The following MBNL2 variants were observed in gnomAD, a reference collection of about 807,000 sequenced individuals.
MBNL2 encodes muscleblind like splicing regulator 2, also known as muscleblind-like protein 2.
Under a neutral mutation model 41.9 loss-of-function variants are expected in MBNL2, and 17 were observed. The observed-to-expected ratio is 0.41, with a 90% CI of 0.28 to 0.61. MBNL2 has a LOEUF of 0.61. MBNL2 is among the 20% of genes least tolerant of loss of function. The pLI is 0.35. For synonymous variants in MBNL2, 195 were observed against 182.9 expected (o/e 1.07, Z -0.53); for missense variants, 336 against 505.6 (o/e 0.66, Z 3.22).
chr13:97,235,909 A>G (rs2043194859), intron 1 of MBNL2, among the ~76,000 whole-genome samples: 1 of 152,170 alleles, frequency 6.6e-6, no homozygotes, highest in Admixed American at 6.5e-5. Flanking sequence ...CATATGTTCA[A>G]TACACTGTCA....
At chr13:97,289,060 T>G (rs1372307129) in intron 2 of MBNL2, among the ~76,000 whole-genome samples, 2 of 152,316 alleles carry the variant, frequency 1.3e-5, no homozygotes, top group East Asian at 3.9e-4. Context: ...ATGGCTAGAT[T>G]CAACTTCAGG....
chr13:97,357,616 C>A lies in MBNL2; in HGVS notation c.993C>A (p.His331Gln). 1.2e-6 allele frequency: 2 copies of A among 1,613,968 alleles called. No homozygotes were observed. The highest frequency in any genetic ancestry group is 1.7e-6 in the Non-Finnish European group (2 of 1,179,938). Residue 331 changes from histidine (H) to glutamine (Q), a missense_variant, in exon 7 of 9, where the codon CAC (histidine) becomes CAA (glutamine). Coordinates refer to ENST00000679496, the MANE Select transcript of MBNL2 (RefSeq NM_001382683.1). Reference sequence around the variant, plus strand: ...TCACCAGCGCACAGTTGCAGCAACACGCCGCGTTCATTCCAACAGGTATGT... The same window carrying A: ...TCACCAGCGCACAGTTGCAGCAACAAGCCGCGTTCATTCCAACAGGTATGT... ...QALTSAQLQQ[H>Q]AAFIPTGSVL... is the part of the protein sequence containing the mutation.
the MBNL2 span, among the ~76,000 whole-genome samples, chr13:97,191,154 G>A: frequency 6.6e-6 from 1 of 151,802 alleles, no homozygotes. Context: ...ATTTCCATGA[G>A]AGTTGTGTTC....
At chr13:97,339,366 G>A (rs139104147) in intron 3 of MBNL2, among the ~76,000 whole-genome samples, 149 of 152,116 alleles carry the variant, frequency 9.8e-4, no homozygotes, top group Middle Eastern at 3.4e-3. Context: ...AGAGGAACAC[G>A]GGAAGGTGGA....
the MBNL2 span, among the ~76,000 whole-genome samples, chr13:97,161,271 CT>C: frequency 6.6e-6 from 1 of 152,202 alleles, no homozygotes; most frequent in African/African-American, 2.4e-5. Context: ...TCAGCACCTG[CT>C]TTTGCCCACC....
At chr13:97,204,699 G>A in the MBNL2 span, among the ~76,000 whole-genome samples, 2 of 152,210 alleles carry the variant, frequency 1.3e-5, no homozygotes, top group African/African-American at 2.4e-5. Context: ...GAGGAGCAGG[G>A]AGTGGGTTGC....
the MBNL2 span, among the ~76,000 whole-genome samples, chr13:97,184,346 A>G: frequency 6.6e-6 from 1 of 152,198 alleles, no homozygotes; most frequent in East Asian, 1.9e-4. Flanking sequence ...GAAGAGGACA[A>G]TAACAAAAAA....
intron 7 of MBNL2, among the ~76,000 whole-genome samples, chr13:97,361,102 G>C (rs1459192644): frequency 1.3e-5 from 2 of 152,186 alleles, no homozygotes; most frequent in Non-Finnish European, 2.9e-5. Flanking sequence ...TCATAAAGAG[G>C]TGAAAACCAA....
At chr13:97,149,067 A>T in the MBNL2 span, among the ~76,000 whole-genome samples, 1 of 152,190 alleles carries the variant, frequency 6.6e-6, no homozygotes, top group Non-Finnish European at 1.5e-5. Flanking sequence ...TGAAGCCAAG[A>T]TCCACTGTGG....
At chr13:97,339,871 G>GTGTT (rs142257683) in intron 3 of MBNL2, among the ~76,000 whole-genome samples, 1 of 111,010 alleles carries the variant, frequency 9.0e-6, no homozygotes, top group African/African-American at 3.3e-5. Flanking sequence ...ATTTGTGTGT[G>GTGTT]GGCGGGGGGG....
intron 2 of MBNL2, among the ~76,000 whole-genome samples, chr13:97,307,327 T>C (rs1488100428): frequency 6.6e-6 from 1 of 152,052 alleles, no homozygotes; most frequent in Non-Finnish European, 1.5e-5. Flanking sequence ...TTCCACTGTG[T>C]GTGCCAAAGC....
intron 1 of MBNL2, among the ~76,000 whole-genome samples, chr13:97,241,451 T>C (rs1049431033): frequency 1.3e-5 from 2 of 152,152 alleles, no homozygotes; most frequent in Non-Finnish European, 2.9e-5. Context: ...GAAATCTAAG[T>C]CTCCGTTTCA....
At chr13:97,182,705 A>C in the MBNL2 span, among the ~76,000 whole-genome samples, 1 of 152,344 alleles carries the variant, frequency 6.6e-6, no homozygotes, top group South Asian at 2.1e-4. Flanking sequence ...GATAGAAACG[A>C]AGATATGGTG....
the MBNL2 span, among the ~76,000 whole-genome samples, chr13:97,160,486 A>G: frequency 6.6e-6 from 1 of 152,092 alleles, no homozygotes; most frequent in East Asian, 1.9e-4. Flanking sequence ...TTTGTACTTA[A>G]CTCTTTGAAA....
At position 97,271,445 on chromosome 13, in the gene MBNL2, TA is replaced by T. The variant is rs753747504; in HGVS notation, c.-604-4178del. Among the ~76,000 whole-genome samples the T allele has an allele frequency of 2.4e-3, 364 of 149,296 alleles. 1 individual carries two copies. The highest frequency in any genetic ancestry group is 7.5e-3 in the African/African-American group (301 of 39,948). On this transcript the variant is annotated intron_variant, in intron 1 of 8. Transcript: ENST00000679496. ...TAAGATTTATTTATTTATTTATTTCTAAAAAAAAACAAACAAAAAACAAAAC... is the reference window on the plus strand; with the variant it reads ...TAAGATTTATTTATTTATTTATTTCTAAAAAAAACAAACAAAAAACAAAAC...
the MBNL2 span, among the ~76,000 whole-genome samples, chr13:97,194,092 G>A: frequency 6.6e-6 from 1 of 152,270 alleles, no homozygotes; most frequent in South Asian, 2.1e-4. Flanking sequence ...TCTTAAAGAG[G>A]TCTTCTCTGA....
chr13:97,240,221 G>T (rs573765719), intron 1 of MBNL2, among the ~76,000 whole-genome samples: 2 of 152,334 alleles, frequency 1.3e-5, no homozygotes, highest in East Asian at 3.9e-4. Flanking sequence ...ATTATTCACA[G>T]ACCTCCTGGC....
intron 2 of MBNL2, among the ~76,000 whole-genome samples, chr13:97,303,224 G>A (rs1221073940): frequency 6.6e-6 from 1 of 152,138 alleles, no homozygotes; most frequent in East Asian, 1.9e-4. Flanking sequence ...AGTCTTTTGG[G>A]GTAGAAATTT....
chr13:97,181,213 A>G, the MBNL2 span, among the ~76,000 whole-genome samples: 8 of 152,122 alleles, frequency 5.3e-5, no homozygotes, highest in African/African-American at 1.9e-4. Context: ...ATCCAGAACA[A>G]TCTCCCCATC....
Sources: allele counts gnomAD v4.1 joint callset (sites outside exome capture counted in the v4.1 genomes callset), GRCh38; gene constraint gnomAD v4.1.1; transcripts MANE v1.5; gene names NCBI Gene and HGNC (gene_info 2026-07-23, HGNC 2026-07-21).